MED13L: variants seen among roughly 807,000 people sequenced by gnomAD.
MED13L encodes the protein mediator complex subunit 13L, also known as mediator of RNA polymerase II transcription subunit 13-like.
A neutral mutation model predicts 220.9 loss-of-function variants in MED13L; 7 were observed. The observed-to-expected ratio is 0.03, with a 90% CI of 0.02 to 0.06. The LOEUF (loss-of-function observed/expected upper bound fraction) is 0.06, where lower values mean the gene tolerates loss of function less well. Ranked by LOEUF, MED13L falls within the 10% of genes least tolerant of loss-of-function variation. The pLI, the probability that MED13L is intolerant of heterozygous loss-of-function variation, is 1.00. For synonymous variants in MED13L, 1,011 were observed against 1,015.2 expected (o/e 1.00, Z 0.08); for missense variants, 1,965 against 2,760.5 (o/e 0.71, Z 6.46).
In MED13L at chr12:116,096,634, G is replaced by A. The variant is rs186688405; in HGVS notation, c.479+35C>T. 1,119 of 1,575,444 alleles carry A rather than the reference G, an allele frequency of 7.1e-4. 6 individuals are homozygous for A. In the African/African-American group the frequency reaches 0.014, roughly 19 times the overall value. ...CTGTTCACCCACCCACAAGGCCAAA[G>A]AAACCAAAAAGCCAAGAGCATTCTA... On this transcript the variant is annotated intron_variant, in intron 4 of 30. Transcript: ENST00000281928.
chr12:116,013,042 A>G, intron 8 of MED13L, 141 bp from the exon 9 acceptor site: 1 of 691,836 alleles, frequency 1.4e-6, no homozygotes, highest in East Asian at 2.7e-5. Context: ...CAATGAATAA[A>G]ACAACCTGTT....
rs1261763875 is a variant in MED13L at position 115,983,379 on chromosome 12, T to G, written c.4693A>C (p.Thr1565Pro). 1.2e-6 allele frequency: 2 copies of G among 1,614,024 alleles called. No individual in the cohort carries two copies. Among genetic ancestry groups the G allele is most frequent in the Non-Finnish European group, 1.7e-6 (2 of 1,180,020 alleles). The change falls in exon 21 of 31, where the codon ACC becomes CCC. Residue 1565 changes from threonine to proline, a missense_variant. Around this residue, in one of 10 missense-constraint regions of MED13L, gnomAD observed 510 missense variants for 620.4 expected, o/e 0.82. Transcript: ENST00000281928. ...GGATTTGTAGAACTACTATTCGAGGTGGGATTAAATGCACTGCCAGCTGGG... is the reference window on the plus strand; with the variant it reads ...GGATTTGTAGAACTACTATTCGAGGGGGGATTAAATGCACTGCCAGCTGGG... The part of the protein sequence containing the change: ...APPAGSAFNP[T>P]SNSSSTNPAA...
At chr12:116,219,195 T>C (rs1593177433) in intron 2 of MED13L, among the ~76,000 whole-genome samples, 1 of 152,186 alleles carries the variant, frequency 6.6e-6, no homozygotes, top group Non-Finnish European at 1.5e-5. Context: ...TAACTGGACT[T>C]ATTCTTAACT....
intron 1 of MED13L, among the ~76,000 whole-genome samples, chr12:116,266,102 A>G (rs1872809514): frequency 6.6e-6 from 1 of 152,252 alleles, no homozygotes; most frequent in Non-Finnish European, 1.5e-5. Flanking sequence ...TCCAAAATAC[A>G]TGTCTCAAAT....
At chr12:116,274,387 T>A (rs1375883770) in intron 1 of MED13L, among the ~76,000 whole-genome samples, 1 of 148,208 alleles carries the variant, frequency 6.7e-6, no homozygotes, top group African/African-American at 2.5e-5. Context: ...CTAGGTAAAT[T>A]CTTTATAAAT....
intron 4 of MED13L, among the ~76,000 whole-genome samples, chr12:116,036,177 T>G (rs1592972905): frequency 6.6e-6 from 1 of 152,208 alleles, no homozygotes; most frequent in Non-Finnish European, 1.5e-5. Flanking sequence ...GTTTCAGTCA[T>G]AACCAAAGAT....
chr12:116,087,338 TTG>T (rs1871781841), intron 4 of MED13L, among the ~76,000 whole-genome samples: 1 of 152,188 alleles, frequency 6.6e-6, no homozygotes, highest in African/African-American at 2.4e-5. Context: ...ACATTTTAAA[TTG>T]TTTCCTTAAA....
intron 4 of MED13L, among the ~76,000 whole-genome samples, chr12:116,063,559 T>C (rs1869684000): frequency 6.6e-6 from 1 of 152,118 alleles, no homozygotes; most frequent in South Asian, 2.1e-4. Flanking sequence ...TGTTTGGATA[T>C]CTAAGCCACT....
chr12:116,237,350 C>A (rs917872786), intron 2 of MED13L, 118 bp downstream of exon 2: 8 of 827,102 alleles, frequency 9.7e-6, no homozygotes, highest in Non-Finnish European at 1.6e-5. Flanking sequence ...TTGAGAGAGA[C>A]ATCCATGAAA....
At chr12:116,259,385 T>A (rs1467762544) in intron 1 of MED13L, among the ~76,000 whole-genome samples, 2 of 152,116 alleles carry the variant, frequency 1.3e-5, no homozygotes, top group African/African-American at 2.4e-5. Flanking sequence ...TGTGGGAACA[T>A]AACATTAAAG....
chr12:116,063,258 A>G (rs1225148115), intron 4 of MED13L, among the ~76,000 whole-genome samples: 1 of 152,216 alleles, frequency 6.6e-6, no homozygotes, highest in African/African-American at 2.4e-5. Flanking sequence ...GAGGAAAAAA[A>G]TTAAGCATTG....
At chr12:116,099,545 C>T (rs1872890553) in intron 3 of MED13L, among the ~76,000 whole-genome samples, 1 of 152,100 alleles carries the variant, frequency 6.6e-6, no homozygotes, top group Non-Finnish European at 1.5e-5. Flanking sequence ...TATTCAGTAA[C>T]AAATCATAAA....
chr12:116,182,191 C>G (rs1880574010), intron 2 of MED13L, among the ~76,000 whole-genome samples: 2 of 152,168 alleles, frequency 1.3e-5, no homozygotes, highest in African/African-American at 4.8e-5. Flanking sequence ...TATGCCTGAA[C>G]CTGTGCTGTT....
At chr12:116,176,860 G>C (rs1555219802) in intron 2 of MED13L, among the ~76,000 whole-genome samples, 1 of 105,624 alleles carries the variant, frequency 9.5e-6, no homozygotes, top group Non-Finnish European at 1.8e-5. Context: ...TACATATGCA[G>C]AATCGAGAAC....
intron 4 of MED13L, among the ~76,000 whole-genome samples, chr12:116,051,377 C>T (rs995243683): frequency 6.6e-6 from 1 of 152,086 alleles, no homozygotes; most frequent in African/African-American, 2.4e-5. Context: ...CAGTTTTATT[C>T]TCTCCATAAA....
chr12:116,205,629 C>CT (rs146438521), intron 2 of MED13L, among the ~76,000 whole-genome samples: 2,959 of 150,868 alleles, frequency 0.02, 58 homozygotes, highest in Middle Eastern at 0.05. Context: ...ACTGAGCTAT[C>CT]AGTCCATTCA....
chr12:116,260,646 A>G (rs1056214848), intron 1 of MED13L, among the ~76,000 whole-genome samples: 5 of 152,190 alleles, frequency 3.3e-5, no homozygotes, highest in Non-Finnish European at 7.3e-5. Context: ...CAAAATCAAA[A>G]CAAGCAATAA....
rs550671426 is a variant in MED13L at position 116,167,322 on chromosome 12, G to A, written c.311-55810C>T. On this transcript the variant is annotated intron_variant, in intron 2 of 30. Coordinates refer to ENST00000281928, the MANE Select transcript of MED13L (RefSeq NM_015335.5). ...TCGAATACAAGCAGTTTAAACAACT[G>A]TTTGATCAAAAAATACAGGGTACAA... is the stretch of plus-strand genomic sequence containing the variant. Among the ~76,000 whole-genome samples the A allele has an allele frequency of 1.4e-3, 207 of 152,188 alleles. 1 individual carries two copies. Among genetic ancestry groups the A allele is most frequent in the East Asian group, 2.5e-3 (13 of 5,186 alleles).
At chr12:116,277,023 C>CG in intron 1 of MED13L, 37 bp downstream of exon 1, 1 of 1,345,884 alleles carries the variant, frequency 7.4e-7, no homozygotes, top group Non-Finnish European at 1.0e-6. Flanking sequence ...CCCCCCCTTC[C>CG]CCGGCACAGC....
Sources: allele counts gnomAD v4.1 joint callset (sites outside exome capture counted in the v4.1 genomes callset), GRCh38; gene constraint gnomAD v4.1.1; regional missense constraint gnomAD v4.1.1; transcripts MANE v1.5; gene names NCBI Gene and HGNC (gene_info 2026-07-23, HGNC 2026-07-21).